CLN6: variants seen among roughly 807,000 people sequenced by gnomAD.
The protein encoded by CLN6 is ceroid-lipofuscinosis neuronal protein 6.
A neutral mutation model predicts 33.3 loss-of-function variants in CLN6; 22 were observed. That is an observed-to-expected ratio of 0.66 (90% CI 0.47 to 0.94). CLN6 has a LOEUF of 0.94. CLN6 is among the 40% of genes least tolerant of loss of function. The probability of loss-of-function intolerance (pLI) is 0.00; values close to 1 mark genes in which losing one functional copy is unlikely to be tolerated. For synonymous variants in CLN6, 201 were observed against 174.6 expected (o/e 1.15, Z -1.19); for missense variants, 387 against 417.1 (o/e 0.93, Z 0.63).
chr15:68,217,354 T>C (rs927658538), intron 2 of CLN6, among the ~76,000 whole-genome samples: 2 of 152,166 alleles, frequency 1.3e-5, no homozygotes, highest in South Asian at 2.1e-4. Context: ...AGCTCAGTCC[T>C]GAGTAGCTGG....
intron 3 of CLN6, chr15:68,213,868 AGCT>A: frequency 3.0e-5 from 7 of 233,068 alleles, no homozygotes; most frequent in East Asian, 1.1e-4. Flanking sequence ...GATGGAGTTC[AGCT>A]GCTGCTGCTG....
At chr15:68,238,757 T>C (rs1892251660) in intron 1 of CLN6, among the ~76,000 whole-genome samples, 1 of 151,898 alleles carries the variant, frequency 6.6e-6, no homozygotes, top group African/African-American at 2.4e-5. Flanking sequence ...GGAAGGAAAA[T>C]GATCGCAGAA....
In CLN6 at chr15:68,247,088, G is replaced by A. The variant is rs1892335678; in HGVS notation, c.179+9602C>T. On this transcript the variant is annotated intron_variant, in intron 1 of 6. Coordinates refer to the CLN6 transcript ENST00000538696. This position sits in a 1 kb window ranked among gnomAD's most constrained non-coding sequence, Gnocchi z 4.2. The stretch of plus-strand genomic sequence containing the variant: ...GGAGAATTGCTTGAAACTGGGAGGT[G>A]TTCTAAGCTCTGGAACAAAACAAGG... Among the ~76,000 whole-genome samples, 1 of 152,022 alleles carries A rather than the reference G, an allele frequency of 6.6e-6. No homozygotes were observed. The highest frequency in any genetic ancestry group is 2.1e-4 in the South Asian group (1 of 4,824).
At position 68,209,587 on chromosome 15, in the gene CLN6, G is replaced by A. The variant is rs138840696; in HGVS notation, c.665+50C>T. The A allele has an allele frequency of 2.2e-4, 351 of 1,607,388 alleles. No individual in the cohort carries two copies. The East Asian group carries it at 7.3e-3, about 33-fold the overall frequency. On this transcript the variant is annotated intron_variant, in intron 6 of 6. Coordinates refer to ENST00000249806, the MANE Select transcript of CLN6 (RefSeq NM_017882.3). This position sits in a 1 kb window ranked among gnomAD's most constrained non-coding sequence, Gnocchi z 4.9. ...TTGGCAAGTGCAGAATTTTGCTGCC[G>A]TGGCTCTCTCAGTGCCCCTGCCTCT...
In CLN6 at chr15:68,229,676, GCGGGGCGGTT is replaced by G. The variant is rs1481647841; in HGVS notation, c.-102_-93del. On this transcript the variant is annotated 5_prime_UTR_variant, in exon 1 of 7. Transcript: ENST00000249806. ...GCGGAGGCCGCCGCAAATTCCCAGC[GCGGGGCGGTT>G]CGGGGCGGGCCGGCGAGAGCGCGCG... The G allele has an allele frequency of 2.7e-6, 3 of 1,120,796 alleles. No individual in the cohort carries two copies. The highest frequency in any genetic ancestry group is 2.0e-5 in the South Asian group (1 of 50,288). The allele number at this position is 1,120,796 out of a possible 1,614,324, so 69.4% of individuals were successfully genotyped here.
intron 3 of CLN6, 75 bp downstream of exon 3, chr15:68,214,215 G>A: frequency 8.8e-7 from 1 of 1,141,400 alleles, no homozygotes; most frequent in Non-Finnish European, 1.3e-6. Flanking sequence ...CAGGACACAG[G>A]GCTTAGCATC....
chr15:68,250,691 G>A (rs534272395), intron 1 of CLN6, among the ~76,000 whole-genome samples: 12 of 151,530 alleles, frequency 7.9e-5, no homozygotes, highest in Non-Finnish European at 1.8e-4. Flanking sequence ...GATTTTCATG[G>A]AGCAAATGAT....
chr15:68,251,113 T>TAA, intron 1 of CLN6, among the ~76,000 whole-genome samples: 1 of 152,010 alleles, frequency 6.6e-6, no homozygotes, highest in South Asian at 2.1e-4. Flanking sequence ...ATCCAAAGAG[T>TAA]ATAAGAATGT....
At position 68,209,891 on chromosome 15, in the gene CLN6, C is replaced by T. The variant is rs558505486; in HGVS notation, c.543-132G>A. 1.7e-4 allele frequency: 206 copies of T among 1,235,324 alleles called. No individual in the cohort carries two copies. The African/African-American group carries it at 2.4e-3, about 14-fold the overall frequency. 76.5% of individuals were successfully genotyped at this position (1,235,324 alleles called of 1,614,324 possible). ...CAAAACGCCTAGCCTGGGTGAGAGG[C>T]GCTCCTCTCCACCCAACCTTGCCTG... On this transcript the variant is annotated intron_variant, in intron 5 of 6. Coordinates refer to ENST00000249806, the MANE Select transcript of CLN6 (RefSeq NM_017882.3). The surrounding 1 kb of genome is among the most constrained non-coding windows in gnomAD (Gnocchi z 4.9).
Position 68,256,670 on chromosome 15 carries a change from C to A in CLN6, c.179+20G>T. 2 of 638,048 alleles carry A rather than the reference C, an allele frequency of 3.1e-6. No individual in the cohort carries two copies. Among genetic ancestry groups the A allele is most frequent in the South Asian group, 3.4e-5 (2 of 59,154 alleles). 39.5% of individuals were successfully genotyped at this position (638,048 alleles called of 1,614,324 possible). A position where few individuals can be genotyped will look rare whatever the true frequency, so the allele number is the denominator to read the frequency against. On this transcript the variant is annotated intron_variant, in intron 1 of 6. Transcript: ENST00000538696. This position sits in a 1 kb window ranked among gnomAD's most constrained non-coding sequence, Gnocchi z 4.1. ...TTCGCCCTTGGTTTAATGCGCTGCT[C>A]TCATTGCCTTGAAACTTACTTTTTA...
chr15:68,211,511 G>C lies in CLN6; in HGVS notation c.486+164C>G. The C allele has an allele frequency of 2.5e-6, 4 of 1,584,736 alleles. No individual in the cohort carries two copies. Among genetic ancestry groups the C allele is most frequent in the Non-Finnish European group, 3.4e-6 (4 of 1,169,786 alleles). On this transcript the variant is annotated intron_variant, in intron 4 of 6. Coordinates refer to ENST00000249806, the MANE Select transcript of CLN6 (RefSeq NM_017882.3). The surrounding 1 kb of genome is among the most constrained non-coding windows in gnomAD (Gnocchi z 5.9). ...AGGCAGTCTGTGCACCACTTCCTAA[G>C]AACACTTGAGCATCCTAGCTTGGGG...
rs954296180 is a variant in CLN6 at position 68,219,930 on chromosome 15, G to C, written c.84-1280C>G. Among the ~76,000 whole-genome samples the C allele has an allele frequency of 1.3e-5, 2 of 152,182 alleles. No homozygotes were observed. The highest frequency in any genetic ancestry group is 4.8e-5 in the African/African-American group (2 of 41,442). On this transcript the variant is annotated intron_variant, in intron 1 of 6. Coordinates refer to ENST00000249806, the MANE Select transcript of CLN6 (RefSeq NM_017882.3). The surrounding 1 kb of genome is among the most constrained non-coding windows in gnomAD (Gnocchi z 4.2). ...GAGCTCAGGCCCTGGTCCATGCTCA[G>C]CAACTACTGGCTGATTAAAACAGTC... is the stretch of plus-strand genomic sequence containing the variant.
In CLN6 at chr15:68,241,768, A is replaced by G. The variant is rs140451441; in HGVS notation, c.179+14922T>C. Among the ~76,000 whole-genome samples, 1 of 152,302 alleles carries G rather than the reference A, an allele frequency of 6.6e-6. No individual in the cohort carries two copies. Among genetic ancestry groups the G allele is most frequent in the Non-Finnish European group, 1.5e-5 (1 of 68,034 alleles). ...GCACTAATCCCCAGCCAGCCTATCC[A>G]TACTGCCAGGATATCTGCTCTGGGA... On this transcript the variant is annotated intron_variant, in intron 1 of 6. Coordinates refer to the CLN6 transcript ENST00000538696. The surrounding 1 kb of genome is among the most constrained non-coding windows in gnomAD (Gnocchi z 4.2).
chr15:68,211,586 T>A lies in CLN6; in HGVS notation c.486+89A>T. On this transcript the variant is annotated intron_variant, in intron 4 of 6. Transcript: ENST00000249806. This position sits in a 1 kb window ranked among gnomAD's most constrained non-coding sequence, Gnocchi z 5.9. ...AGAATGCCTTTGGTGAAAGGACAGGTGCGGCGAGGGGTGGGGGCCATTTCT... is the reference window on the plus strand; with the variant it reads ...AGAATGCCTTTGGTGAAAGGACAGGAGCGGCGAGGGGTGGGGGCCATTTCT... 6.2e-7 allele frequency: 1 copy of A among 1,602,534 alleles called. No individual in the cohort carries two copies. The highest frequency in any genetic ancestry group is 8.5e-7 in the Non-Finnish European group (1 of 1,179,728).
upstream of CLN6, chr15:68,257,183 T>A (rs966220572): frequency 1.1e-5 from 3 of 271,926 alleles, no homozygotes; most frequent in African/African-American, 2.2e-5. Context: ...GCGCCCGGCG[T>A]CGCTGAGGGC....
rs749942593 is a variant in CLN6 at position 68,209,854 on chromosome 15, C to T, written c.543-95G>A. On this transcript the variant is annotated intron_variant, in intron 5 of 6. Transcript: ENST00000249806. The surrounding 1 kb of genome is among the most constrained non-coding windows in gnomAD (Gnocchi z 4.9). ...TCCCATGGGGTCTCATGGAGTGCCA[C>T]GTCACAGTTTACAAAACGCCTAGCC... is the stretch of plus-strand genomic sequence containing the variant. 2.1e-5 allele frequency: 33 copies of T among 1,552,360 alleles called. No individual in the cohort carries two copies. The highest frequency in any genetic ancestry group is 1.5e-4 in the African/African-American group (11 of 73,608).
upstream of CLN6, chr15:68,257,140 C>A: frequency 3.0e-6 from 1 of 337,176 alleles, no homozygotes. Context: ...CGCACGGCAG[C>A]GGTGCCCAGG....
At position 68,245,462 on chromosome 15, in the gene CLN6, G is replaced by A. The variant is rs368908069; in HGVS notation, c.179+11228C>T. ...TTCCTGTAGTCCCAGCTACTTGGGT[G>A]GCTGAGGTGGGAGGATCACCTGAGT... On this transcript the variant is annotated intron_variant, in intron 1 of 6. Coordinates refer to the CLN6 transcript ENST00000538696. Among the ~76,000 whole-genome samples the A allele has an allele frequency of 8.5e-5, 13 of 152,154 alleles. No individual in the cohort carries two copies. The East Asian group carries it at 2.1e-3, about 25-fold the overall frequency.
chr15:68,223,243 A>G (rs1303045165), intron 1 of CLN6, among the ~76,000 whole-genome samples: 2 of 152,320 alleles, frequency 1.3e-5, no homozygotes, highest in East Asian at 3.8e-4. Flanking sequence ...AAAGCAGGAA[A>G]GCAGGGTAAA....
Sources: gnomAD v4.1 joint callset for allele counts (sites outside exome capture counted in the v4.1 genomes callset) on GRCh38, gnomAD v4.1.1 for gene constraint, Gnocchi (gnomAD v3.1) non-coding constraint, MANE v1.5 for transcripts, NCBI Gene and HGNC (gene_info 2026-07-23, HGNC 2026-07-21) for gene names.